The following L2HGDH variants were observed in gnomAD, a reference collection of about 807,000 sequenced individuals.
The protein encoded by L2HGDH is L-2-hydroxyglutarate dehydrogenase, mitochondrial.
A neutral mutation model predicts 51.5 loss-of-function variants in L2HGDH; 34 were observed. That is an observed-to-expected ratio of 0.66 (90% confidence interval 0.50 to 0.88). The LOEUF is 0.88. L2HGDH is among the 40% of genes least tolerant of loss of function. The pLI, the probability that L2HGDH is intolerant of heterozygous loss-of-function variation, is 0.00. For missense variants in L2HGDH, 558 were observed against 571.9 expected, an observed-to-expected ratio of 0.98 and a Z score of 0.25; for synonymous variants, 198 against 197.9, an observed-to-expected ratio of 1.00 and a Z score of -0.01.
chr14:50,253,561 T>C (rs1217975228), intron 9 of L2HGDH, among the ~76,000 whole-genome samples: 2 of 152,042 alleles, frequency 1.3e-5, no homozygotes, highest in Admixed American at 6.6e-5. Context: ...TATGGAGAAA[T>C]GGGAAACCTC....
intron 4 of L2HGDH, chr14:50,287,264 T>C (rs749444685): frequency 2.1e-5 from 21 of 984,774 alleles, no homozygotes; most frequent in Non-Finnish European, 2.4e-5. Flanking sequence ...AGTTTTGTTT[T>C]TTTCAGTAAT....
chr14:50,251,556 C>A (rs1012180526), intron 9 of L2HGDH, among the ~76,000 whole-genome samples: 1 of 151,980 alleles, frequency 6.6e-6, no homozygotes, highest in Non-Finnish European at 1.5e-5. Context: ...AATCCAGAGA[C>A]TAACTCAAGC....
chr14:50,283,206 G>A (rs8019274), intron 5 of L2HGDH, among the ~76,000 whole-genome samples: 80,476 of 146,630 alleles, frequency 0.55, 21,670 homozygotes, highest in East Asian at 0.66. Flanking sequence ...GCCCCAAGGG[G>A]AAAAAAAAAA....
At chr14:50,252,786 A>G (rs1274327622) in intron 9 of L2HGDH, among the ~76,000 whole-genome samples, 1 of 152,124 alleles carries the variant, frequency 6.6e-6, no homozygotes. Flanking sequence ...CCAGCTATAC[A>G]AAGCAAATAT....
chr14:50,312,215 C>A lies in L2HGDH; in HGVS notation c.-65G>T. 6.3e-7 allele frequency: 1 copy of A among 1,587,736 alleles called. No individual in the cohort carries two copies. The highest frequency in any genetic ancestry group is 8.5e-7 in the Non-Finnish European group (1 of 1,170,910). On this transcript the variant is annotated 5_prime_UTR_variant, in exon 1 of 10. Coordinates refer to ENST00000267436, the MANE Select transcript of L2HGDH (RefSeq NM_024884.3). ...CCACTTGACCCTCCACGGCCGAGGACCCGCGCTCTTTAGCCCCGCCCCTCA... is the reference window on the plus strand; with the variant it reads ...CCACTTGACCCTCCACGGCCGAGGAACCGCGCTCTTTAGCCCCGCCCCTCA...
At chr14:50,274,490 T>C (rs530312839) in intron 6 of L2HGDH, among the ~76,000 whole-genome samples, 1 of 152,286 alleles carries the variant, frequency 6.6e-6, no homozygotes, top group Admixed American at 6.5e-5. Flanking sequence ...GGATGTAGAA[T>C]GCCCTATTGA....
At chr14:50,258,291 C>T (rs1358213704) in intron 9 of L2HGDH, among the ~76,000 whole-genome samples, 2 of 151,926 alleles carry the variant, frequency 1.3e-5, no homozygotes, top group Non-Finnish European at 2.9e-5. Context: ...TCACAACTTA[C>T]TGCAGCCCTG....
At chr14:50,285,711 A>G (rs1048947885) in intron 4 of L2HGDH, among the ~76,000 whole-genome samples, 5 of 152,198 alleles carry the variant, frequency 3.3e-5, no homozygotes, top group Admixed American at 2.6e-4. Context: ...TTCCTTATTC[A>G]TCTTATGCTC....
rs139133237 is a variant in L2HGDH at position 50,275,758 on chromosome 14, G to A, written c.738+2762C>T. 3.3e-3 allele frequency among the ~76,000 whole-genome samples: 509 copies of A among 152,280 alleles called. 5 individuals carry two copies. The highest frequency in any genetic ancestry group is 0.012 in the African/African-American group (495 of 41,542). On this transcript the variant is annotated intron_variant, in intron 6 of 9. Transcript: ENST00000267436. ...AAATCAGTGACTAATATATGGTATTGTTTCTCCCACAGCCAGAATTCACAA... is the reference window on the plus strand; with the variant it reads ...AAATCAGTGACTAATATATGGTATTATTTCTCCCACAGCCAGAATTCACAA...
chr14:50,284,445 T>C (rs1447054342), intron 4 of L2HGDH, among the ~76,000 whole-genome samples: 1 of 151,596 alleles, frequency 6.6e-6, no homozygotes, highest in Non-Finnish European at 1.5e-5. Flanking sequence ...TAACTCAAAC[T>C]TTTTCTTCAG....
At chr14:50,295,261 G>C (rs891851997) in intron 3 of L2HGDH, among the ~76,000 whole-genome samples, 1 of 152,102 alleles carries the variant, frequency 6.6e-6, no homozygotes. Flanking sequence ...TATAATCCAA[G>C]CTACTTCAAA....
intron 3 of L2HGDH, among the ~76,000 whole-genome samples, chr14:50,296,718 C>T (rs2030082041): frequency 6.6e-6 from 1 of 151,872 alleles, no homozygotes; most frequent in South Asian, 2.1e-4. Context: ...AATCACTTCC[C>T]AACTAATTCT....
intron 6 of L2HGDH, among the ~76,000 whole-genome samples, chr14:50,269,831 G>A (rs562806861): frequency 1.1e-4 from 17 of 152,116 alleles, no homozygotes; most frequent in South Asian, 2.1e-4. Context: ...TATCAAGAAA[G>A]ACAAAACTTC....
chr14:50,258,383 T>C (rs1888801719), intron 9 of L2HGDH, among the ~76,000 whole-genome samples: 1 of 152,072 alleles, frequency 6.6e-6, no homozygotes, highest in Admixed American at 6.6e-5. Context: ...ACCCAGCTAA[T>C]TGTTTTTTAA....
intron 4 of L2HGDH, among the ~76,000 whole-genome samples, chr14:50,293,665 C>T (rs1483989261): frequency 3.3e-5 from 5 of 152,136 alleles, no homozygotes; most frequent in East Asian, 1.9e-4. Flanking sequence ...CAGCCTTATC[C>T]GCCTATCGTA....
At position 50,309,380 on chromosome 14, in the gene L2HGDH, C is replaced by A. The variant is rs559100779; in HGVS notation, c.140+2631G>T. The stretch of plus-strand genomic sequence containing the variant: ...GAGTTTGAGACCAGCCTGGCCAACA[C>A]GGTGAAACCCTATCTCTACTCAAAA... On this transcript the variant is annotated intron_variant, in intron 1 of 9. Transcript: ENST00000267436. Among the ~76,000 whole-genome samples, 107 of 152,012 alleles carry A rather than the reference C, an allele frequency of 7.0e-4. 1 individual carries two copies. Among genetic ancestry groups the A allele is most frequent in the Non-Finnish European group, 8.1e-4 (55 of 67,938 alleles).
chr14:50,264,881 T>A (rs1889249763), intron 9 of L2HGDH, among the ~76,000 whole-genome samples: 1 of 152,068 alleles, frequency 6.6e-6, no homozygotes, highest in Non-Finnish European at 1.5e-5. Flanking sequence ...CTAAAAGGTT[T>A]TTTTTAAGTT....
At position 50,249,856 on chromosome 14, in the gene L2HGDH, G is replaced by C. The variant is rs541197486; in HGVS notation, c.1197-2603C>G. Among the ~76,000 whole-genome samples the C allele has an allele frequency of 3.4e-5, 5 of 146,744 alleles. No individual in the cohort carries two copies. In the East Asian group the frequency reaches 8.3e-4, roughly 24 times the overall value. ...AGGTAGAGCAACAAGCAGGTTCTTG[G>C]GGTCCCCAAGTCAAGGCTTACACTC... On this transcript the variant is annotated intron_variant, in intron 9 of 9. Transcript: ENST00000267436.
intron 2 of L2HGDH, 57 bp from the exon 3 acceptor site, chr14:50,302,225 A>G: frequency 6.4e-7 from 1 of 1,571,432 alleles, no homozygotes; most frequent in South Asian, 1.1e-5. Flanking sequence ...AAAACATAAG[A>G]GGTAAGAGAA....
Sources: gnomAD v4.1 joint callset for allele counts (sites outside exome capture counted in the v4.1 genomes callset) on GRCh38, gnomAD v4.1.1 for gene constraint, MANE v1.5 for transcripts, NCBI Gene and HGNC (gene_info 2026-07-23, HGNC 2026-07-21) for gene names.